Variants in MITF observed in about 807,000 individuals in gnomAD.
MITF encodes the protein microphthalmia-associated transcription factor.
A neutral mutation model predicts 60.5 loss-of-function variants in MITF; 17 were observed. The ratio of observed to expected loss-of-function variants is 0.28; its 90% CI spans 0.19 to 0.42. MITF has a LOEUF of 0.42. Among genes scored for constraint, MITF ranks in the 10% least tolerant of loss-of-function variants. The pLI is 1.00. For missense variants in MITF, 622 were observed against 683.5 expected, an observed-to-expected ratio of 0.91 and a Z score of 1.00; for synonymous variants, 260 against 248.5, an observed-to-expected ratio of 1.05 and a Z score of -0.43.
At chr3:69,878,904 G>A (rs900267568) in intron 1 of MITF, among the ~76,000 whole-genome samples, 2 of 151,838 alleles carry the variant, frequency 1.3e-5, no homozygotes, top group Admixed American at 6.6e-5. Context: ...AAATTAAGCC[G>A]CCTGATAAAA....
chr3:69,839,134 A>C (rs1314877862), intron 1 of MITF, among the ~76,000 whole-genome samples: 1 of 152,112 alleles, frequency 6.6e-6, no homozygotes, highest in Non-Finnish European at 1.5e-5. Context: ...TGCATCAGTC[A>C]ATGTGAAGTT....
At chr3:69,832,618 C>G (rs920408882) in intron 1 of MITF, among the ~76,000 whole-genome samples, 1 of 152,172 alleles carries the variant, frequency 6.6e-6, no homozygotes, top group African/African-American at 2.4e-5. Context: ...AATTGTTTCC[C>G]CGTTTACACT....
intron 1 of MITF, among the ~76,000 whole-genome samples, chr3:69,746,108 G>A (rs552737072): frequency 6.6e-6 from 1 of 152,294 alleles, no homozygotes; most frequent in South Asian, 2.1e-4. Context: ...TATGATTAGA[G>A]GGAACACTTG....
chr3:69,906,835 T>C (rs1336860428), intron 2 of MITF, among the ~76,000 whole-genome samples: 3 of 152,132 alleles, frequency 2.0e-5, no homozygotes, highest in Non-Finnish European at 2.9e-5. Flanking sequence ...ACTAGCAACC[T>C]ATAGACTGTT....
chr3:69,859,326 T>G (rs1261031525), intron 1 of MITF, among the ~76,000 whole-genome samples: 1 of 152,240 alleles, frequency 6.6e-6, no homozygotes, highest in Non-Finnish European at 1.5e-5. Context: ...GGCATCGTTG[T>G]CTGCAAGAAA....
At chr3:69,959,554 T>G in intron 9 of MITF, 134 bp downstream of exon 9, 1 of 1,196,434 alleles carries the variant, frequency 8.4e-7, no homozygotes. Flanking sequence ...TTGTGGATTC[T>G]GTGTGTGTGA....
At chr3:69,834,904 C>A (rs62252225) in intron 1 of MITF, among the ~76,000 whole-genome samples, 2 of 144,490 alleles carry the variant, frequency 1.4e-5, no homozygotes, top group East Asian at 3.9e-4. Flanking sequence ...TATCTCCCTA[C>A]GGCTTTGATT....
chr3:69,898,233 T>C (rs1260644735), intron 2 of MITF, among the ~76,000 whole-genome samples: 1 of 152,306 alleles, frequency 6.6e-6, no homozygotes, highest in East Asian at 1.9e-4. Flanking sequence ...GAGTGAACTT[T>C]AGTTTAAAAG....
chr3:69,847,881 G>T (rs1398192375), intron 1 of MITF, among the ~76,000 whole-genome samples: 3 of 152,136 alleles, frequency 2.0e-5, no homozygotes, highest in African/African-American at 7.2e-5. Context: ...TAACACATGG[G>T]TATTTCCTAA....
intron 1 of MITF, among the ~76,000 whole-genome samples, chr3:69,838,981 A>G (rs1328044313): frequency 6.6e-6 from 1 of 152,202 alleles, no homozygotes; most frequent in African/African-American, 2.4e-5. Context: ...AAATTAGGGT[A>G]GCACACTTTA....
In MITF at chr3:69,836,953, T is replaced by C. The variant is rs139351337; in HGVS notation, c.105-42181T>C. ...TTGTAGAACTGATCCAATGGAAATATTGATGTTGCCCTCACTGGGCACAGA... is the reference window on the plus strand; with the variant it reads ...TTGTAGAACTGATCCAATGGAAATACTGATGTTGCCCTCACTGGGCACAGA... On this transcript the variant is annotated intron_variant, in intron 1 of 9. Transcript: ENST00000352241. Among the ~76,000 whole-genome samples the C allele has an allele frequency of 1.8e-4, 28 of 152,254 alleles. No individual in the cohort carries two copies. The East Asian group carries it at 4.6e-3, about 25-fold the overall frequency.
chr3:69,938,117 C>T lies in MITF; in HGVS notation c.582+68C>T, dbSNP rs550972179. ...TAACTTGTCTGTTGAATATGATTCC[C>T]ACACTTAACTGTGGACTCTAGTTTG... On this transcript the variant is annotated intron_variant, in intron 3 of 9. Coordinates refer to ENST00000352241, the MANE Select transcript of MITF (RefSeq NM_001354604.2). 6 of 1,500,422 alleles carry T rather than the reference C, an allele frequency of 4.0e-6. No individual in the cohort carries two copies. In the Admixed American group the frequency reaches 7.0e-5, roughly 17 times the overall value. 92.9% of individuals were successfully genotyped at this position (1,500,422 alleles called of 1,614,324 possible). A position where few individuals can be genotyped will look rare whatever the true frequency, so the allele number is the denominator to read the frequency against.
At chr3:69,895,580 A>C (rs77856980) in intron 2 of MITF, among the ~76,000 whole-genome samples, 29 of 152,046 alleles carry the variant, frequency 1.9e-4, no homozygotes, top group Middle Eastern at 3.4e-3. Context: ...TTTATCTCTG[A>C]CACAATTTTT....
At chr3:69,881,759 A>G (rs1271255664) in intron 2 of MITF, among the ~76,000 whole-genome samples, 1 of 152,130 alleles carries the variant, frequency 6.6e-6, no homozygotes, top group East Asian at 1.9e-4. Context: ...CCATGAATAT[A>G]TATTTTCAAA....
At chr3:69,761,954 A>G (rs370361485) in intron 1 of MITF, among the ~76,000 whole-genome samples, 7 of 152,192 alleles carry the variant, frequency 4.6e-5, no homozygotes, top group African/African-American at 1.4e-4. Flanking sequence ...TTTTTCACTC[A>G]TCTCTTTTTC....
At chr3:69,757,817 A>G (rs2062148748) in intron 1 of MITF, among the ~76,000 whole-genome samples, 1 of 151,886 alleles carries the variant, frequency 6.6e-6, no homozygotes, top group African/African-American at 2.4e-5. Flanking sequence ...GTATAAAAGG[A>G]TTCTTAATAA....
At position 69,828,005 on chromosome 3, in the gene MITF, G is replaced by A. The variant is rs185402203; in HGVS notation, c.105-51129G>A. Reference sequence around the variant, plus strand: ...CTTCAAAGTAAGAGTTGACTTCTGCGTCTATACAATTCTTGTCATAAATGT... The same window carrying A: ...CTTCAAAGTAAGAGTTGACTTCTGCATCTATACAATTCTTGTCATAAATGT... On this transcript the variant is annotated intron_variant, in intron 1 of 9. Coordinates refer to ENST00000352241, the MANE Select transcript of MITF (RefSeq NM_001354604.2). Among the ~76,000 whole-genome samples, 24 of 152,300 alleles carry A rather than the reference G, an allele frequency of 1.6e-4. No individual in the cohort carries two copies. In the South Asian group the frequency reaches 2.3e-3, roughly 14 times the overall value.
At chr3:69,758,117 GCACACACACACA>G (rs111261020) in intron 1 of MITF, among the ~76,000 whole-genome samples, 1 of 120,110 alleles carries the variant, frequency 8.3e-6, no homozygotes, top group African/African-American at 3.1e-5. Context: ...TATATCATAT[GCACACACACACA>G]CACACACACA....
intron 1 of MITF, chr3:69,763,426 A>G (rs989277178): frequency 1.1e-5 from 8 of 696,778 alleles, no homozygotes; most frequent in Non-Finnish European, 1.3e-5. Flanking sequence ...TTTACCTTTT[A>G]TGATTACCAT....
Sources: allele counts gnomAD v4.1 joint callset (sites outside exome capture counted in the v4.1 genomes callset), GRCh38; gene constraint gnomAD v4.1.1; transcripts MANE v1.5; gene names NCBI Gene and HGNC (gene_info 2026-07-23, HGNC 2026-07-21).